RTF2: variants seen among roughly 807,000 people sequenced by gnomAD.
RTF2 encodes replication termination factor 2.
A neutral mutation model predicts 38.0 loss-of-function variants in RTF2; 18 were observed. The ratio of observed to expected loss-of-function variants is 0.47; its 90% confidence interval spans 0.33 to 0.70. The LOEUF (loss-of-function observed/expected upper bound fraction) is 0.70, where lower values mean the gene tolerates loss of function less well. RTF2 is among the 30% of genes least tolerant of loss of function. The pLI, the probability that RTF2 is intolerant of heterozygous loss-of-function variation, is 0.02. For missense variants in RTF2, 311 were observed against 379.6 expected (o/e 0.82, Z 1.50); for synonymous variants, 126 against 137.1 (o/e 0.92, Z 0.57).
intron 4 of RTF2, among the ~76,000 whole-genome samples, chr20:56,479,312 A>G (rs1488393687): frequency 6.6e-6 from 1 of 151,186 alleles, no homozygotes; most frequent in Non-Finnish European, 1.5e-5. Flanking sequence ...TGCAACCCCC[A>G]CCTCCTGGGT....
intron 4 of RTF2, among the ~76,000 whole-genome samples, chr20:56,482,097 G>A (rs529896177): frequency 6.6e-6 from 1 of 152,078 alleles, no homozygotes; most frequent in Non-Finnish European, 1.5e-5. Context: ...ATTGAGCTTT[G>A]CTTATTTTGA....
chr20:56,475,992 C>T (rs1031920286), intron 3 of RTF2, among the ~76,000 whole-genome samples: 7 of 152,344 alleles, frequency 4.6e-5, no homozygotes, highest in Middle Eastern at 3.4e-3. Flanking sequence ...GGAAGCTGAT[C>T]GTATGAATGG....
At chr20:56,508,231 A>T (rs1040387356) in intron 5 of RTF2, among the ~76,000 whole-genome samples, 1 of 152,230 alleles carries the variant, frequency 6.6e-6, no homozygotes, top group African/African-American at 2.4e-5. Context: ...GAGGAGAGTC[A>T]GCAAATGCTT....
In RTF2 at chr20:56,484,155, C is replaced by A. The variant is rs761276048; in HGVS notation, c.443C>A (p.Ala148Asp). ...TGCGGCTGTGTGTTTTCTGAGCGAG[C>A]CTTGAAAGAGATAAAAGCGGAAGTT... ...RCCGCVFSER[A>D]LKEIKAEVCH... Residue 148 changes from alanine (A) to aspartate (D), a missense_variant, in exon 5 of 9, where the codon GCC becomes GAC. Coordinates refer to ENST00000357348, the MANE Select transcript of RTF2 (RefSeq NM_016407.5). The A allele has an allele frequency of 6.2e-7, 1 of 1,614,092 alleles. No individual in the cohort carries two copies. Among genetic ancestry groups the A allele is most frequent in the Admixed American group, 1.7e-5 (1 of 60,008 alleles).
chr20:56,478,845 C>G (rs528536557), intron 4 of RTF2, among the ~76,000 whole-genome samples: 1 of 152,300 alleles, frequency 6.6e-6, no homozygotes, highest in African/African-American at 2.4e-5. Context: ...GACCTTCTTT[C>G]AAAATTGGAA....
intron 4 of RTF2, among the ~76,000 whole-genome samples, chr20:56,478,483 C>A (rs1280509048): frequency 6.6e-6 from 1 of 152,044 alleles, no homozygotes; most frequent in Non-Finnish European, 1.5e-5. Context: ...CAGAGTGGGA[C>A]CCTGTCTCAA....
intron 1 of RTF2, among the ~76,000 whole-genome samples, chr20:56,469,802 C>T (rs527955508): frequency 2.0e-5 from 3 of 152,290 alleles, no homozygotes; most frequent in Admixed American, 2.0e-4. Flanking sequence ...CCCTCTCCAC[C>T]TCTTTCATAC....
At chr20:56,470,530 G>T in intron 1 of RTF2, 1 of 452,632 alleles carries the variant, frequency 2.2e-6, no homozygotes, top group Non-Finnish European at 4.5e-6. Flanking sequence ...ATCTGCCCTG[G>T]TTCCTAACGC....
At chr20:56,489,650 C>T (rs910725699) in intron 5 of RTF2, among the ~76,000 whole-genome samples, 3 of 152,238 alleles carry the variant, frequency 2.0e-5, no homozygotes, top group African/African-American at 7.2e-5. Context: ...CACCCATGTC[C>T]TCCTAACGGT....
At chr20:56,469,693 T>C (rs576358198) in intron 1 of RTF2, among the ~76,000 whole-genome samples, 1 of 152,318 alleles carries the variant, frequency 6.6e-6, no homozygotes, top group South Asian at 2.1e-4. Flanking sequence ...AAGTCACTAT[T>C]GTATTTGAAG....
chr20:56,506,575 A>G (rs938820182), intron 5 of RTF2, among the ~76,000 whole-genome samples: 1 of 152,216 alleles, frequency 6.6e-6, no homozygotes, highest in African/African-American at 2.4e-5. Flanking sequence ...TACTTTAAAA[A>G]AGCATCCAGA....
chr20:56,490,507 C>T (rs923775909), intron 5 of RTF2, among the ~76,000 whole-genome samples: 1 of 152,234 alleles, frequency 6.6e-6, no homozygotes, highest in Non-Finnish European at 1.5e-5. Flanking sequence ...CAATTAGCCA[C>T]ATGTGCCTAT....
chr20:56,472,892 C>T (rs1982044722), intron 1 of RTF2, among the ~76,000 whole-genome samples: 1 of 152,142 alleles, frequency 6.6e-6, no homozygotes, highest in Non-Finnish European at 1.5e-5. Context: ...TCAATACCAG[C>T]AGTTTGGGTG....
intron 4 of RTF2, among the ~76,000 whole-genome samples, chr20:56,483,806 A>C (rs906189137): frequency 6.6e-6 from 1 of 152,048 alleles, no homozygotes; most frequent in African/African-American, 2.4e-5. Flanking sequence ...GCTGTATAAG[A>C]CCTTTTTGAA....
At chr20:56,479,357 C>T (rs1982414632) in intron 4 of RTF2, among the ~76,000 whole-genome samples, 1 of 152,160 alleles carries the variant, frequency 6.6e-6, no homozygotes, top group Admixed American at 6.5e-5. Context: ...TCCCGAGTAG[C>T]TGGGATTACA....
intron 3 of RTF2, 114 bp downstream of exon 3, chr20:56,474,885 A>G: frequency 1.6e-6 from 1 of 619,914 alleles, no homozygotes; most frequent in Non-Finnish European, 2.8e-6. Flanking sequence ...CCATTCCCAC[A>G]TGGCCATCTA....
At chr20:56,494,637 C>G (rs967483237) in intron 5 of RTF2, among the ~76,000 whole-genome samples, 2 of 152,224 alleles carry the variant, frequency 1.3e-5, no homozygotes, top group African/African-American at 4.8e-5. Context: ...GAAAATTGTT[C>G]CAGCTCTCTA....
intron 5 of RTF2, among the ~76,000 whole-genome samples, chr20:56,512,798 A>ACTCCCTCC (rs1984764272): frequency 6.6e-6 from 1 of 151,862 alleles, no homozygotes; most frequent in Non-Finnish European, 1.5e-5. Flanking sequence ...CCTTACGCGC[A>ACTCCCTCC]CTCCCTCCCT....
intron 3 of RTF2, among the ~76,000 whole-genome samples, chr20:56,475,395 A>G (rs1982188317): frequency 6.6e-6 from 1 of 152,210 alleles, no homozygotes; most frequent in Non-Finnish European, 1.5e-5. Flanking sequence ...CCTAACTCCC[A>G]GTCTAAGGCT....
Sources: gnomAD v4.1 joint callset for allele counts (sites outside exome capture counted in the v4.1 genomes callset) on GRCh38, gnomAD v4.1.1 for gene constraint, MANE v1.5 for transcripts, NCBI Gene and HGNC (gene_info 2026-07-23, HGNC 2026-07-21) for gene names.